YTHDF2: variants seen among roughly 807,000 people sequenced by gnomAD.
The protein encoded by YTHDF2 is YTH domain-containing family protein 2.
A neutral mutation model predicts 50.4 loss-of-function variants in YTHDF2; 2 were observed. The ratio of observed to expected loss-of-function variants is 0.04; its 90% CI spans 0.02 to 0.12. YTHDF2 has a LOEUF of 0.12. Ranked by LOEUF, YTHDF2 falls within the 10% of genes least tolerant of loss-of-function variation. YTHDF2 has a pLI of 1.00. For synonymous variants in YTHDF2, 217 were observed against 255.6 expected, an observed-to-expected ratio of 0.85 and a Z score of 1.44; for missense variants, 483 against 722.6, an observed-to-expected ratio of 0.67 and a Z score of 3.80.
intron 4 of YTHDF2, among the ~76,000 whole-genome samples, chr1:28,768,261 T>A (rs2088250808): frequency 6.6e-6 from 1 of 152,190 alleles, no homozygotes; most frequent in Admixed American, 6.6e-5. Context: ...TGGAAGAATT[T>A]AGGATAAGTT....
At chr1:28,749,253 G>A (rs1380492461) in intron 4 of YTHDF2, among the ~76,000 whole-genome samples, 2 of 145,014 alleles carry the variant, frequency 1.4e-5, no homozygotes, top group Non-Finnish European at 3.0e-5. Flanking sequence ...GTGCAGTGGC[G>A]CATTCTCGGC....
In YTHDF2 at chr1:28,742,850, T is replaced by C. The variant is rs758755251; in HGVS notation, c.580T>C (p.Leu194=). Residue 194 remains leucine, a synonymous_variant, in exon 4 of 5, where the codon TTG becomes CTG. Coordinates refer to ENST00000373812, the MANE Select transcript of YTHDF2 (RefSeq NM_016258.3). ...AGACCAAGGGATGGCAGCACTGAAG[T>C]TGGGTAGCACAGAAGTTGCAAGCAA... The part of the protein sequence containing the change: ...TIDQGMAALK[L]GSTEVASNVP... 6 of 1,613,906 alleles carry C rather than the reference T, an allele frequency of 3.7e-6. No individual in the cohort carries two copies. The African/African-American group carries it at 4.0e-5, about 11-fold the overall frequency.
rs1440537823 is a variant in YTHDF2, at chr1:28,743,257, G to A, written c.987G>A (p.Leu329=). Residue 329 remains leucine, a synonymous_variant, in exon 4 of 5, where the codon TTG becomes TTA. Coordinates refer to ENST00000373812, the MANE Select transcript of YTHDF2 (RefSeq NM_016258.3). This position sits in a 1 kb window ranked among gnomAD's most constrained non-coding sequence, Gnocchi z 6.9. The part of the protein sequence containing the change: ...QASVGQQTQP[L]PPPPPQPAQL... ...CAGTAGGGCAACAGACACAGCCATT[G>A]CCTCCACCTCCACCACAGCCTGCCC... is the stretch of plus-strand genomic sequence containing the variant. 6.2e-7 allele frequency: 1 copy of A among 1,614,014 alleles called. No homozygotes were observed. The highest frequency in any genetic ancestry group is 8.5e-7 in the Non-Finnish European group (1 of 1,180,036).
intron 4 of YTHDF2, among the ~76,000 whole-genome samples, chr1:28,760,606 C>G (rs931765063): frequency 1.3e-5 from 2 of 151,586 alleles, no homozygotes; most frequent in Non-Finnish European, 2.9e-5. Context: ...GAGACAGAAT[C>G]TCACTCTGTT....
At chr1:28,758,234 C>T (rs149509981) in intron 4 of YTHDF2, among the ~76,000 whole-genome samples, 3,904 of 152,092 alleles carry the variant, frequency 0.026, 67 homozygotes, top group Middle Eastern at 0.045. Flanking sequence ...GGTGTGGTGG[C>T]GTGCACCTGT....
At chr1:28,757,500 A>G (rs1160611038) in intron 4 of YTHDF2, among the ~76,000 whole-genome samples, 1 of 152,178 alleles carries the variant, frequency 6.6e-6, no homozygotes, top group Non-Finnish European at 1.5e-5. Flanking sequence ...CAGTGTGCCT[A>G]CTGCTTATGT....
chr1:28,753,214 T>C, intron 4 of YTHDF2, among the ~76,000 whole-genome samples: 1 of 151,310 alleles, frequency 6.6e-6, no homozygotes, highest in Admixed American at 6.6e-5. Flanking sequence ...TCTATGAAGT[T>C]TGCCAGATAG....
At chr1:28,758,475 G>A (rs907455896) in intron 4 of YTHDF2, among the ~76,000 whole-genome samples, 3 of 152,188 alleles carry the variant, frequency 2.0e-5, no homozygotes, top group African/African-American at 7.2e-5. Context: ...TGGAACGTAA[G>A]TATGTAAGCA....
chr1:28,752,146 T>G (rs2087964235), intron 4 of YTHDF2, among the ~76,000 whole-genome samples: 1 of 152,230 alleles, frequency 6.6e-6, no homozygotes, highest in Non-Finnish European at 1.5e-5. Flanking sequence ...AAGAATACCT[T>G]TCTGTACATT....
chr1:28,737,862 G>C, intron 2 of YTHDF2, 180 bp downstream of exon 2: 1 of 697,642 alleles, frequency 1.4e-6, no homozygotes, highest in African/African-American at 1.8e-5. Flanking sequence ...CAGCTTTTTC[G>C]CTAACAAGGA....
intron 3 of YTHDF2, 144 bp downstream of exon 3, chr1:28,738,482 A>T (rs2087729033): frequency 1.3e-6 from 1 of 769,658 alleles, no homozygotes; most frequent in Admixed American, 2.8e-5. Context: ...TCTCGCTCTG[A>T]CGCCCAGGCT....
intron 2 of YTHDF2, 130 bp downstream of exon 2, chr1:28,737,812 A>T: frequency 9.2e-7 from 1 of 1,083,478 alleles, no homozygotes. Context: ...CGCACACTTA[A>T]GTATTTTGAC....
chr1:28,756,724 A>G (rs2124194396), intron 4 of YTHDF2, among the ~76,000 whole-genome samples: 1 of 152,238 alleles, frequency 6.6e-6, no homozygotes, highest in Non-Finnish European at 1.5e-5. Context: ...GTCTGGGCGC[A>G]GGTTTGGAGG....
At chr1:28,758,776 G>C (rs1479321267) in intron 4 of YTHDF2, among the ~76,000 whole-genome samples, 1 of 152,194 alleles carries the variant, frequency 6.6e-6, no homozygotes, top group Non-Finnish European at 1.5e-5. Flanking sequence ...CAAAGTTTTA[G>C]TTATGGCAAA....
chr1:28,736,775 C>T (rs1020450433), upstream of YTHDF2: 14 of 312,592 alleles, frequency 4.5e-5, no homozygotes, highest in African/African-American at 2.7e-4. Flanking sequence ...CCTCTCCCTT[C>T]CCGGGGTTCT....
chr1:28,765,042 G>T (rs1020777398), intron 4 of YTHDF2, among the ~76,000 whole-genome samples: 52 of 152,004 alleles, frequency 3.4e-4, no homozygotes, highest in African/African-American at 1.2e-3. Context: ...TCTGTTCCTG[G>T]TTTAAATTTA....
chr1:28,737,426 C>T (rs2087710608), intron 1 of YTHDF2: 4 of 652,934 alleles, frequency 6.1e-6, no homozygotes, highest in South Asian at 2.1e-5. Context: ...TTCCTTAAAG[C>T]CCTGGGTTCC....
intron 4 of YTHDF2, among the ~76,000 whole-genome samples, chr1:28,760,795 G>A (rs536436221): frequency 2.8e-4 from 42 of 152,232 alleles, no homozygotes; most frequent in Middle Eastern, 3.4e-3. Flanking sequence ...GGCCATGCTG[G>A]TCTCAAACTC....
intron 4 of YTHDF2, among the ~76,000 whole-genome samples, chr1:28,760,271 TTGTGTGTGTGTG>T (rs28969505): frequency 0.23 from 34,159 of 147,212 alleles, 4,049 homozygotes; most frequent in Middle Eastern, 0.26. Flanking sequence ...ACATAGTAGG[TTGTGTGTGTGTG>T]TGTGTGTGTG....
Sources: gnomAD v4.1 joint callset for allele counts (sites outside exome capture counted in the v4.1 genomes callset) on GRCh38, gnomAD v4.1.1 for gene constraint, Gnocchi (gnomAD v3.1) non-coding constraint, MANE v1.5 for transcripts, NCBI Gene and HGNC (gene_info 2026-07-23, HGNC 2026-07-21) for gene names.